The following PPP6C variants were observed in gnomAD, a reference collection of about 807,000 sequenced individuals.
PPP6C encodes serine/threonine-protein phosphatase 6 catalytic subunit.
In PPP6C, 11 loss-of-function variants were observed where a neutral mutation model predicts 39.8. That is an observed-to-expected ratio of 0.28 (90% CI 0.17 to 0.46). PPP6C has a LOEUF of 0.46. Ranked by LOEUF, PPP6C falls within the 20% of genes least tolerant of loss-of-function variation. The pLI, the probability that PPP6C is intolerant of heterozygous loss-of-function variation, is 1.00. For synonymous variants in PPP6C, 129 were observed against 130.3 expected, an observed-to-expected ratio of 0.99 and a Z score of 0.07; for missense variants, 211 against 373.9, an observed-to-expected ratio of 0.56 and a Z score of 3.59.
intron 3 of PPP6C, among the ~76,000 whole-genome samples, chr9:125,159,122 T>A (rs1349990800): frequency 1.4e-5 from 2 of 144,432 alleles, no homozygotes; most frequent in Non-Finnish European, 3.0e-5. Flanking sequence ...CACTGCAACC[T>A]CCCCTTCCTG....
intron 2 of PPP6C, among the ~76,000 whole-genome samples, chr9:125,162,282 AC>A (rs1828893716): frequency 6.6e-6 from 1 of 151,662 alleles, no homozygotes; most frequent in East Asian, 1.9e-4. Context: ...ATGTGGTGAA[AC>A]CCCATCTCTA....
chr9:125,171,138 T>G lies in PPP6C; in HGVS notation c.118A>C (p.Asn40His). Reference sequence around the variant, plus strand: ...ACTGGTGTTGATACTGGCTGAACATTTGACTCTTCTAAGAGGAGGTCACAA... The same window carrying G: ...ACTGGTGTTGATACTGGCTGAACATGTGACTCTTCTAAGAGGAGGTCACAA... ...YVCDLLLEES[N>H]VQPVSTPVTV... Residue 40 changes from asparagine (N) to histidine (H), a missense_variant, in exon 2 of 7, where the codon AAT becomes CAT. By Grantham distance (68) the Asn-to-His change is moderately conservative. Transcript: ENST00000373547. 3 of 1,605,628 alleles carry G rather than the reference T, an allele frequency of 1.9e-6. No homozygotes were observed. The highest frequency in any genetic ancestry group is 2.6e-6 in the Non-Finnish European group (3 of 1,174,244).
intron 1 of PPP6C, chr9:125,188,793 C>CAACAATAAT (rs1554723968): frequency 1.2e-5 from 3 of 254,746 alleles, no homozygotes; most frequent in Non-Finnish European, 2.1e-5. Context: ...CAGTTAAAAA[C>CAACAATAAT]AATAATAATA....
intron 2 of PPP6C, among the ~76,000 whole-genome samples, chr9:125,169,948 C>CTAGG (rs1415511496): frequency 6.6e-6 from 1 of 152,118 alleles, no homozygotes; most frequent in Non-Finnish European, 1.5e-5. Context: ...CATGGAGCAG[C>CTAGG]CCCTAATCAG....
intron 1 of PPP6C, among the ~76,000 whole-genome samples, chr9:125,187,555 A>G (rs1007359429): frequency 1.3e-5 from 2 of 151,924 alleles, no homozygotes; most frequent in African/African-American, 4.9e-5. Flanking sequence ...AAGTACTGAG[A>G]TTACGCCACT....
At chr9:125,179,429 G>A (rs752968945) in intron 1 of PPP6C, among the ~76,000 whole-genome samples, 2 of 152,024 alleles carry the variant, frequency 1.3e-5, no homozygotes, top group Non-Finnish European at 2.9e-5. Flanking sequence ...TTTGGAGGGT[G>A]GGGAACTATG....
At chr9:125,173,017 C>G (rs2131331253) in intron 1 of PPP6C, among the ~76,000 whole-genome samples, 1 of 152,300 alleles carries the variant, frequency 6.6e-6, no homozygotes, top group Non-Finnish European at 1.5e-5. Flanking sequence ...CGGCTCTCGC[C>G]TGTAATCCCA....
intron 4 of PPP6C, among the ~76,000 whole-genome samples, chr9:125,154,996 C>T (rs1243471772): frequency 6.6e-6 from 1 of 152,184 alleles, no homozygotes; most frequent in East Asian, 1.9e-4. Flanking sequence ...CAACCTCAAC[C>T]ACTTGGGTTC....
At chr9:125,180,986 C>T (rs894006290) in intron 1 of PPP6C, among the ~76,000 whole-genome samples, 7 of 152,188 alleles carry the variant, frequency 4.6e-5, no homozygotes, top group Non-Finnish European at 7.3e-5. Context: ...AAAATTACAG[C>T]TGCGTCCTAC....
chr9:125,188,918 C>T (rs1242722676), intron 1 of PPP6C: 17 of 1,548,630 alleles, frequency 1.1e-5, no homozygotes, highest in Non-Finnish European at 1.5e-5. Context: ...AAGGAACTCA[C>T]CTCCTTTAGA....
In PPP6C at chr9:125,180,725, C is replaced by T. The variant is rs562008327; in HGVS notation, c.75+8919G>A. Among the ~76,000 whole-genome samples the T allele has an allele frequency of 3.9e-4, 60 of 152,228 alleles. No individual in the cohort carries two copies. The South Asian group carries it at 3.9e-3, about 10-fold the overall frequency. Reference sequence around the variant, plus strand: ...CGTGAGCCACTGTGTCTGGCCGGTTCCCATATTTCAATGTGCCAGAATTTT... The same window carrying T: ...CGTGAGCCACTGTGTCTGGCCGGTTTCCATATTTCAATGTGCCAGAATTTT... On this transcript the variant is annotated intron_variant, in intron 1 of 6. Coordinates refer to ENST00000373547, the MANE Select transcript of PPP6C (RefSeq NM_002721.5).
intron 1 of PPP6C, among the ~76,000 whole-genome samples, chr9:125,173,052 G>A (rs1049868745): frequency 6.6e-6 from 1 of 152,002 alleles, no homozygotes; most frequent in Non-Finnish European, 1.5e-5. Context: ...CAAAGTGGGT[G>A]GATCATTTGA....
chr9:125,157,356 T>C (rs1836105856), intron 4 of PPP6C, among the ~76,000 whole-genome samples: 1 of 152,098 alleles, frequency 6.6e-6, no homozygotes, highest in South Asian at 2.1e-4. Flanking sequence ...CATACAGAGA[T>C]ATATGTAAAA....
chr9:125,172,720 A>AACACACACACACACACACAC (rs72238242), intron 1 of PPP6C, among the ~76,000 whole-genome samples: 1 of 144,700 alleles, frequency 6.9e-6, no homozygotes, highest in Non-Finnish European at 1.5e-5. Flanking sequence ...AATACACACA[A>AACACACACACACACACACAC]ACACACACAC....
Position 125,181,293 on chromosome 9 carries a change from G to C in PPP6C, c.75+8351C>G, listed in dbSNP as rs533877182. 8.6e-5 allele frequency among the ~76,000 whole-genome samples: 13 copies of C among 152,006 alleles called. No homozygotes were observed. The South Asian group carries it at 2.3e-3, about 27-fold the overall frequency. On this transcript the variant is annotated intron_variant, in intron 1 of 6. Coordinates refer to ENST00000373547, the MANE Select transcript of PPP6C (RefSeq NM_002721.5). ...AACTATACCCCTTTCTCCTCATCGT[G>C]CCCAAATATTTTTTCTTTCTTTTTT...
At chr9:125,182,614 C>T (rs752526325) in intron 1 of PPP6C, among the ~76,000 whole-genome samples, 1 of 151,806 alleles carries the variant, frequency 6.6e-6, no homozygotes, top group Non-Finnish European at 1.5e-5. Context: ...GATATTCACA[C>T]GCTTATGATC....
intron 1 of PPP6C, 115 bp from the exon 2 acceptor site, chr9:125,171,295 G>T: frequency 1.4e-6 from 1 of 717,256 alleles, no homozygotes; most frequent in Non-Finnish European, 2.1e-6. Context: ...TATACTTTTT[G>T]ATAGGAAAGT....
At chr9:125,158,168 T>C in intron 4 of PPP6C, 73 bp downstream of exon 4, 1 of 1,425,660 alleles carries the variant, frequency 7.0e-7, no homozygotes. Flanking sequence ...AGCATGTGTA[T>C]GACTTGTGTA....
At chr9:125,162,457 CAAAAAAAA>C (rs977223135) in intron 2 of PPP6C, among the ~76,000 whole-genome samples, 1,290 of 70,958 alleles carry the variant, frequency 0.018, 20 homozygotes, top group South Asian at 0.069. Flanking sequence ...GATTCTGTCT[CAAAAAAAA>C]AAAAAAAAAA....
Sources: gnomAD v4.1 joint callset for allele counts (sites outside exome capture counted in the v4.1 genomes callset) on GRCh38, gnomAD v4.1.1 for gene constraint, MANE v1.5 for transcripts, NCBI Gene and HGNC (gene_info 2026-07-23, HGNC 2026-07-21) for gene names.